Variants in LINGO2 observed in about 807,000 individuals in gnomAD.
LINGO2 encodes the protein leucine rich repeat and Ig domain containing 2.
A neutral mutation model predicts 30.6 loss-of-function variants in LINGO2; 14 were observed. The ratio of observed to expected loss-of-function variants is 0.46; its 90% CI spans 0.30 to 0.72. The LOEUF is 0.72. Among genes scored for constraint, LINGO2 ranks in the 30% least tolerant of loss-of-function variants. The pLI, the probability that LINGO2 is intolerant of heterozygous loss-of-function variation, is 0.07. For missense variants in LINGO2, 729 were observed against 751.7 expected (o/e 0.97, Z 0.35); for synonymous variants, 317 against 288.5 (o/e 1.10, Z -1.00).
At chr9:29,207,761 C>A in the LINGO2 span, among the ~76,000 whole-genome samples, 1 of 151,816 alleles carries the variant, frequency 6.6e-6, no homozygotes, top group South Asian at 2.1e-4. Flanking sequence ...TTTAACTTAC[C>A]CTTGCAGCCA....
the LINGO2 span, among the ~76,000 whole-genome samples, chr9:29,009,878 C>G: frequency 6.6e-6 from 1 of 152,238 alleles, no homozygotes; most frequent in Non-Finnish European, 1.5e-5. Context: ...TAATACCACA[C>G]ATTTACAACC....
the LINGO2 span, among the ~76,000 whole-genome samples, chr9:28,832,898 C>T: frequency 6.6e-6 from 1 of 151,986 alleles, no homozygotes; most frequent in Non-Finnish European, 1.5e-5. Context: ...GTACCTGTTA[C>T]ATTTTATTCT....
At chr9:28,941,020 AAAAAT>A in the LINGO2 span, among the ~76,000 whole-genome samples, 2 of 151,888 alleles carry the variant, frequency 1.3e-5, no homozygotes, top group African/African-American at 4.8e-5. Flanking sequence ...CTCCACAAAA[AAAAAT>A]AAAAGAGAAA....
intron 4 of LINGO2, among the ~76,000 whole-genome samples, chr9:28,069,395 A>G (rs1328861204): frequency 6.6e-6 from 1 of 152,166 alleles, no homozygotes; most frequent in East Asian, 1.9e-4. Context: ...GAGGCAAGAG[A>G]AAGGTTTGTC....
the LINGO2 span, among the ~76,000 whole-genome samples, chr9:28,876,151 A>G: frequency 6.6e-6 from 1 of 152,092 alleles, no homozygotes; most frequent in Admixed American, 6.6e-5. Flanking sequence ...ATGTCTGCAC[A>G]GTGATTTGCG....
chr9:28,614,833 G>T (rs561385940), intron 1 of LINGO2, among the ~76,000 whole-genome samples: 1 of 152,106 alleles, frequency 6.6e-6, no homozygotes, highest in Admixed American at 6.5e-5. Flanking sequence ...TTACAGTCAG[G>T]GTTTTAACTC....
the LINGO2 span, among the ~76,000 whole-genome samples, chr9:29,159,045 C>T: frequency 2.6e-5 from 4 of 152,104 alleles, no homozygotes; most frequent in African/African-American, 7.2e-5. Flanking sequence ...TGGGCTTGTT[C>T]GACTCTGAGC....
At chr9:28,202,149 G>C (rs1439473784) in intron 4 of LINGO2, among the ~76,000 whole-genome samples, 1 of 152,040 alleles carries the variant, frequency 6.6e-6, no homozygotes, top group East Asian at 1.9e-4. Context: ...TTATAATACA[G>C]TCCTCCACTC....
At chr9:28,198,130 A>C (rs531135840) in intron 4 of LINGO2, among the ~76,000 whole-genome samples, 1 of 151,618 alleles carries the variant, frequency 6.6e-6, no homozygotes, top group East Asian at 1.9e-4. Flanking sequence ...ACAGATATAT[A>C]TTTGAGGAAC....
the LINGO2 span, among the ~76,000 whole-genome samples, chr9:29,062,301 T>C: frequency 6.6e-6 from 1 of 152,046 alleles, no homozygotes; most frequent in Non-Finnish European, 1.5e-5. Context: ...AAATTAAAAA[T>C]AGAATTACCA....
intron 4 of LINGO2, among the ~76,000 whole-genome samples, chr9:28,109,045 C>T (rs951168494): frequency 2.6e-5 from 4 of 152,184 alleles, no homozygotes; most frequent in Admixed American, 1.3e-4. Flanking sequence ...AGCTTATCCA[C>T]CACGATCAAG....
intron 1 of LINGO2, among the ~76,000 whole-genome samples, chr9:28,536,104 T>C (rs765001446): frequency 5.3e-5 from 8 of 152,078 alleles, no homozygotes; most frequent in Non-Finnish European, 1.0e-4. Flanking sequence ...AAAAATGAAA[T>C]TGCAAGAAAG....
chr9:29,013,463 C>T, the LINGO2 span, among the ~76,000 whole-genome samples: 6 of 151,918 alleles, frequency 3.9e-5, no homozygotes, highest in South Asian at 1.3e-3. Flanking sequence ...TAGCATAGAC[C>T]ATCCCAAGAC....
chr9:28,030,259 G>A (rs1563926415), intron 4 of LINGO2, among the ~76,000 whole-genome samples: 1 of 152,158 alleles, frequency 6.6e-6, no homozygotes, highest in South Asian at 2.1e-4. Flanking sequence ...CTTCTTAAGT[G>A]AGGCCATTTC....
At chr9:29,040,565 T>TAA in the LINGO2 span, among the ~76,000 whole-genome samples, 23,631 of 145,592 alleles carry the variant, frequency 0.16, 2,041 homozygotes, top group South Asian at 0.21. Context: ...GACGCCTCTT[T>TAA]AAAAAAAAAA....
At position 28,067,396 on chromosome 9, in the gene LINGO2, G is replaced by C. The variant is rs547010684; in HGVS notation, c.-86-54991C>G. ...CTTTCGGAATTGAATGCAATAATAA[G>C]GGAAACTAGATTTCATGGAAAATAA... On this transcript the variant is annotated intron_variant, in intron 4 of 5. Transcript: ENST00000379992. 3.3e-5 allele frequency among the ~76,000 whole-genome samples: 5 copies of C among 152,092 alleles called. No individual in the cohort carries two copies. The East Asian group carries it at 9.7e-4, about 29-fold the overall frequency.
chr9:29,015,891 T>C, the LINGO2 span, among the ~76,000 whole-genome samples: 945 of 152,284 alleles, frequency 6.2e-3, 9 homozygotes, highest in African/African-American at 0.022. Flanking sequence ...GATTTTCTAA[T>C]GCACATCAAA....
intron 1 of LINGO2, among the ~76,000 whole-genome samples, chr9:28,613,227 A>G (rs1825993031): frequency 6.6e-6 from 1 of 152,096 alleles, no homozygotes; most frequent in Admixed American, 6.5e-5. Context: ...ATGGACTAAT[A>G]CAGATACTTT....
At chr9:28,833,012 G>T in the LINGO2 span, among the ~76,000 whole-genome samples, 7 of 152,008 alleles carry the variant, frequency 4.6e-5, no homozygotes, top group Non-Finnish European at 1.0e-4. Context: ...GGATGGACTG[G>T]TCTTTAAGTG....
Sources: allele counts gnomAD v4.1 joint callset (sites outside exome capture counted in the v4.1 genomes callset), GRCh38; gene constraint gnomAD v4.1.1; transcripts MANE v1.5; gene names NCBI Gene and HGNC (gene_info 2026-07-23, HGNC 2026-07-21).